Variants in CTNNAL1 observed in about 807,000 individuals in gnomAD.
The protein encoded by CTNNAL1 is catenin alpha like 1, also known as alpha-catulin.
CTNNAL1 carries 69 observed loss-of-function variants against 93.6 expected under a neutral mutation model. The ratio of observed to expected loss-of-function variants is 0.74; its 90% CI spans 0.61 to 0.90. The LOEUF is 0.90. Ranked by LOEUF, CTNNAL1 falls within the 40% of genes least tolerant of loss-of-function variation. The probability of loss-of-function intolerance (pLI) is 0.00; values close to 1 mark genes in which losing one functional copy is unlikely to be tolerated. For synonymous variants in CTNNAL1, 286 were observed against 305.4 expected (o/e 0.94, Z 0.66); for missense variants, 836 against 862.0 (o/e 0.97, Z 0.38).
chr9:108,975,630 C>A (rs1831246012), intron 8 of CTNNAL1, among the ~76,000 whole-genome samples: 2 of 152,114 alleles, frequency 1.3e-5, no homozygotes, highest in South Asian at 4.1e-4. Context: ...AGCTCTACAA[C>A]TAAATGAAGA....
intron 1 of CTNNAL1, among the ~76,000 whole-genome samples, chr9:109,008,411 T>G (rs1827101904): frequency 6.6e-6 from 1 of 152,054 alleles, no homozygotes; most frequent in South Asian, 2.1e-4. Flanking sequence ...CCTCCCAAAG[T>G]GCTGGGATTA....
In CTNNAL1 at chr9:108,976,977, A is replaced by T. The variant is rs1206402418; in HGVS notation, c.1173T>A (p.Asn391Lys). 6.8e-7 allele frequency: 1 copy of T among 1,468,204 alleles called. No homozygotes were observed. The highest frequency in any genetic ancestry group is 2.5e-5 in the Admixed American group (1 of 40,100). The allele number at this position is 1,468,204 out of a possible 1,614,324, so 90.9% of individuals were successfully genotyped here. A position where few individuals can be genotyped will look rare whatever the true frequency, so the allele number is the denominator to read the frequency against. ...CTATACTTACTTCTTTCTTAAGTTC[A>T]TTAAGACTGTGACTGATTTTCAAAA... is the stretch of plus-strand genomic sequence containing the variant. ...LSILKISHSL[N>K]ELKKELHSTA... is the part of the protein sequence containing the mutation. Residue 391 changes from asparagine (N) to lysine (K), a missense_variant, in exon 8 of 19, where the codon AAT becomes AAA. Coordinates refer to ENST00000325551, the MANE Select transcript of CTNNAL1 (RefSeq NM_003798.4).
In CTNNAL1 at chr9:108,956,199, G is replaced by A. The variant is rs141004132; in HGVS notation, c.1592-372C>T. Reference sequence around the variant, plus strand: ...CTCTTTTATCAGTACCAGTATCAGCGCTTCTTCCATTTCTGCAAGTACCAG... The same window carrying A: ...CTCTTTTATCAGTACCAGTATCAGCACTTCTTCCATTTCTGCAAGTACCAG... On this transcript the variant is annotated intron_variant, in intron 11 of 18. Transcript: ENST00000325551. Among the ~76,000 whole-genome samples the A allele has an allele frequency of 3.6e-3, 546 of 152,258 alleles. 3 individuals carry two copies. The highest frequency in any genetic ancestry group is 0.013 in the African/African-American group (521 of 41,528).
chr9:108,972,864 G>GGGGGGGGGGGGGGGCCCCCC, intron 8 of CTNNAL1, 31 bp from the exon 9 acceptor site: 3 of 142,574 alleles, frequency 2.1e-5, no homozygotes, highest in East Asian at 2.2e-4. Flanking sequence ...GGGGGGGTGG[G>GGGGGGGGGGGGGGGCCCCCC]AGGGTGGAGA....
chr9:108,982,073 T>C (rs930419894), intron 6 of CTNNAL1, among the ~76,000 whole-genome samples: 3 of 152,190 alleles, frequency 2.0e-5, no homozygotes, highest in Admixed American at 1.3e-4. Flanking sequence ...AAGGAGGGCA[T>C]TGTACTAGAT....
At chr9:108,944,070 G>A (rs781648479) in intron 15 of CTNNAL1, 52 bp from the exon 16 acceptor site, 48 of 1,471,572 alleles carry the variant, frequency 3.3e-5, no homozygotes, top group Non-Finnish European at 4.4e-5. Context: ...ATGGATAGTT[G>A]GTAAGAAATA....
chr9:108,980,238 C>T (rs917147202), intron 6 of CTNNAL1, among the ~76,000 whole-genome samples: 7 of 152,158 alleles, frequency 4.6e-5, no homozygotes, highest in African/African-American at 1.7e-4. Flanking sequence ...TTCAGCCATC[C>T]TGTTTGGAGT....
chr9:109,008,438 C>T (rs987696729), intron 1 of CTNNAL1, among the ~76,000 whole-genome samples: 5 of 152,208 alleles, frequency 3.3e-5, no homozygotes, highest in South Asian at 2.1e-4. Flanking sequence ...TGAGCCACCA[C>T]GCCCAGCCCC....
intron 8 of CTNNAL1, 35 bp from the exon 9 acceptor site, chr9:108,972,868 G>GGGCCCCCCGGT: frequency 9.2e-7 from 1 of 1,092,792 alleles, no homozygotes; most frequent in Non-Finnish European, 1.2e-6. Context: ...GGGTGGGAGG[G>GGGCCCCCCGGT]TGGAGAAGGA....
At chr9:108,945,628 G>GTTT (rs11287261) in intron 15 of CTNNAL1, among the ~76,000 whole-genome samples, 1 of 140,404 alleles carries the variant, frequency 7.1e-6, no homozygotes, top group African/African-American at 2.7e-5. Context: ...TGCCCCGCTA[G>GTTT]TTTTTTTTTT....
At chr9:108,983,458 C>T in intron 5 of CTNNAL1, 143 bp from the exon 6 acceptor site, 2 of 935,018 alleles carry the variant, frequency 2.1e-6, no homozygotes, top group Non-Finnish European at 2.8e-6. Context: ...TGCTTCTCCT[C>T]ACTAAAGTGG....
At chr9:108,946,315 A>G (rs1199918662) in intron 15 of CTNNAL1, among the ~76,000 whole-genome samples, 1 of 149,810 alleles carries the variant, frequency 6.7e-6, no homozygotes, top group African/African-American at 2.5e-5. Context: ...AAAAAAAAAA[A>G]GTCCTTCCCA....
chr9:108,980,639 T>G (rs1831401297), intron 6 of CTNNAL1, among the ~76,000 whole-genome samples: 1 of 152,184 alleles, frequency 6.6e-6, no homozygotes, highest in South Asian at 2.1e-4. Context: ...GACAGAAACT[T>G]GTATTTAAGC....
At chr9:109,001,180 A>G (rs996755115) in intron 1 of CTNNAL1, among the ~76,000 whole-genome samples, 1 of 151,000 alleles carries the variant, frequency 6.6e-6, no homozygotes, top group African/African-American at 2.4e-5. Flanking sequence ...TCCAAAAAAA[A>G]AAAAAAAAAA....
chr9:108,958,076 A>C (rs1587950972), intron 11 of CTNNAL1, among the ~76,000 whole-genome samples: 3 of 151,382 alleles, frequency 2.0e-5, no homozygotes, highest in African/African-American at 4.8e-5. Context: ...AAAAAAAAAA[A>C]AAAAAAAACA....
intron 1 of CTNNAL1, among the ~76,000 whole-genome samples, chr9:109,013,034 G>T (rs1050972307): frequency 6.6e-6 from 1 of 152,188 alleles, no homozygotes; most frequent in Non-Finnish European, 1.5e-5. Flanking sequence ...GGTACTGGGG[G>T]CAAAGGCCCA....
In CTNNAL1 at chr9:108,999,132, AT is replaced by A. The variant is rs1832131410; in HGVS notation, c.265del (p.Ile89Ter). ...VGRFVKVGEAIANENWDLKEE... is the reference protein window; with the variant it reads ...VGRFVKVGEAXANENWDLKEE... ...TTTCAAATCCCAGTTTTCATTGGCT[AT>A]AGCTTCTCCTACTTTAACAAATCTT... On this transcript the variant is annotated frameshift_variant, in exon 2 of 19. Transcript: ENST00000325551. LOFTEE classifies it high-confidence loss of function. 6.2e-7 allele frequency: 1 copy of A among 1,613,552 alleles called. No individual in the cohort carries two copies. Among genetic ancestry groups the A allele is most frequent in the Non-Finnish European group, 8.5e-7 (1 of 1,179,830 alleles).
At chr9:108,987,204 T>C (rs1831637744) in intron 4 of CTNNAL1, among the ~76,000 whole-genome samples, 1 of 152,100 alleles carries the variant, frequency 6.6e-6, no homozygotes, top group Non-Finnish European at 1.5e-5. Context: ...TTAATTTTTG[T>C]ATAAGGTGTA....
chr9:108,995,650 G>T (rs1831987758), intron 2 of CTNNAL1, among the ~76,000 whole-genome samples: 1 of 152,048 alleles, frequency 6.6e-6, no homozygotes, highest in Non-Finnish European at 1.5e-5. Context: ...AATATTTGTT[G>T]AACTTCCATA....
Sources: gnomAD v4.1 joint callset for allele counts (sites outside exome capture counted in the v4.1 genomes callset) on GRCh38, gnomAD v4.1.1 for gene constraint, MANE v1.5 for transcripts, NCBI Gene and HGNC (gene_info 2026-07-23, HGNC 2026-07-21) for gene names.